PLA2G6: variants seen among roughly 807,000 people sequenced by gnomAD.
The protein encoded by PLA2G6 is phospholipase A2 group VI, also known as 85/88 kDa calcium-independent phospholipase A2.
In PLA2G6, 62 loss-of-function variants were observed where a neutral mutation model predicts 83.8. That is an observed-to-expected ratio of 0.74 (90% CI 0.60 to 0.91). The LOEUF (loss-of-function observed/expected upper bound fraction) is 0.91, where lower values mean the gene tolerates loss of function less well. Among genes scored for constraint, PLA2G6 ranks in the 40% least tolerant of loss-of-function variants. The probability of loss-of-function intolerance (pLI) is 0.00; values close to 1 mark genes in which losing one functional copy is unlikely to be tolerated. For synonymous variants in PLA2G6, 417 were observed against 449.8 expected (o/e 0.93, Z 0.92); for missense variants, 944 against 1,102.0 (o/e 0.86, Z 2.03).
At chr22:38,180,298 C>G (rs917677353) in intron 1 of PLA2G6, 8 of 152,150 alleles carry the variant, frequency 5.3e-5, no homozygotes, top group African/African-American at 1.9e-4. Context: ...ACGGAAGGAA[C>G]AAGAAGTGTC....
At chr22:38,142,987 A>C in intron 4 of PLA2G6, 118 bp downstream of exon 4, 1 of 960,960 alleles carries the variant, frequency 1.0e-6, no homozygotes, top group South Asian at 1.3e-5. Context: ...CTCAGGCCTC[A>C]AGGACCAATG....
At chr22:38,140,782 G>A (rs1300641881) in intron 4 of PLA2G6, 1 of 155,998 alleles carries the variant, frequency 6.4e-6, no homozygotes. Context: ...CAGGCGCAGT[G>A]GCTCATGCTT....
intron 10 of PLA2G6, 94 bp downstream of exon 10, chr22:38,126,277 C>T (rs1188834278): frequency 3.2e-6 from 3 of 924,132 alleles, no homozygotes; most frequent in Non-Finnish European, 5.4e-6. Flanking sequence ...TGTGAGGGTG[C>T]AGAGAGTAAA....
chr22:38,145,781 GCAAACACA>G (rs1316044862), intron 2 of PLA2G6, 128 bp from the exon 3 acceptor site: 1 of 352,864 alleles, frequency 2.8e-6, no homozygotes. Flanking sequence ...CCCCTCCCAA[GCAAACACA>G]CACACACACA....
intron 4 of PLA2G6, 65 bp from the exon 5 acceptor site, chr22:38,140,234 G>A (rs1417900892): frequency 2.8e-5 from 41 of 1,478,698 alleles, no homozygotes; most frequent in African/African-American, 5.5e-5. Flanking sequence ...GAGGCCGGGC[G>A]CAGTGGCTCA....
rs1434335192 is a variant in PLA2G6 at position 38,128,329 on chromosome 22, G to T, written c.1288C>A (p.Pro430Thr). The stretch of plus-strand genomic sequence containing the variant: ...CTTTCCAGGGAGAAGGGATGATGTG[G>T]CGCTGCAGAGCCCTGCTCCGCGGGG... ...GVPAEQGSAA[P>T]HHPFSLERAQ... The change falls in exon 9 of 17, where the codon CCA (proline) becomes ACA (threonine). Residue 430 changes from proline (P) to threonine (T), a missense_variant. Transcript: ENST00000332509. The surrounding 1 kb of genome is among the most constrained non-coding windows in gnomAD (Gnocchi z 4.4). 6.2e-7 allele frequency: 1 copy of T among 1,613,442 alleles called. No individual in the cohort carries two copies. Among genetic ancestry groups the T allele is most frequent in the Middle Eastern group, 1.8e-4 (1 of 5,478 alleles).
Position 38,118,760 on chromosome 22 carries a change from T to G in PLA2G6, c.1742+1999A>C, listed in dbSNP as rs1458320490. 2.6e-5 allele frequency among the ~76,000 whole-genome samples: 4 copies of G among 151,704 alleles called. No homozygotes were observed. In the East Asian group the frequency reaches 5.8e-4, roughly 22 times the overall value. On this transcript the variant is annotated intron_variant, in intron 12 of 16. Transcript: ENST00000332509. ...GTGAGTTTGTTTGTTTTTGTTTTTT[T>G]TTTTTTGTCTTAAGACAGGGTCTCA... is the stretch of plus-strand genomic sequence containing the variant.
intron 9 of PLA2G6, chr22:38,127,128 C>T (rs1353722329): frequency 2.7e-6 from 3 of 1,128,428 alleles, no homozygotes; most frequent in Non-Finnish European, 3.3e-6. Flanking sequence ...GGTGCAGCAG[C>T]CCGCGTGACC....
At chr22:38,149,217 T>C (rs1274174708) in intron 2 of PLA2G6, 1 of 151,850 alleles carries the variant, frequency 6.6e-6, no homozygotes, top group African/African-American at 2.4e-5. Flanking sequence ...CAACACATAA[T>C]CAAAACTCAC....
rs188895903 is a variant in PLA2G6, at chr22:38,128,331, G to A, written c.1286C>T (p.Ala429Val). The A allele has an allele frequency of 1.5e-5, 25 of 1,613,386 alleles. No homozygotes were observed. The highest frequency in any genetic ancestry group is 5.3e-5 in the African/African-American group (4 of 75,012). Reference protein sequence around the residue: ...HGVPAEQGSAAPHHPFSLERA... With the variant: ...HGVPAEQGSAVPHHPFSLERA... ...TTCCAGGGAGAAGGGATGATGTGGC[G>A]CTGCAGAGCCCTGCTCCGCGGGGAC... The change falls in exon 9 of 17, where the codon GCG becomes GTG. Residue 429 changes from alanine to valine, a missense_variant. Coordinates refer to ENST00000332509, the MANE Select transcript of PLA2G6 (RefSeq NM_003560.4). The surrounding 1 kb of genome is among the most constrained non-coding windows in gnomAD (Gnocchi z 4.4).
At chr22:38,168,664 A>AGAG (rs2090315921) in intron 2 of PLA2G6, among the ~76,000 whole-genome samples, 1 of 152,210 alleles carries the variant, frequency 6.6e-6, no homozygotes, top group Admixed American at 6.5e-5. Context: ...AGCCTGGCCA[A>AGAG]TATGATGAAA....
intron 2 of PLA2G6, among the ~76,000 whole-genome samples, chr22:38,161,076 A>G (rs759008622): frequency 7.9e-5 from 12 of 152,236 alleles, no homozygotes; most frequent in Non-Finnish European, 1.0e-4. Context: ...AAGAATGAAG[A>G]CAGTGGAATA....
intron 3 of PLA2G6, chr22:38,144,199 C>T (rs11570641): frequency 0.021 from 3,162 of 152,580 alleles, 104 homozygotes; most frequent in African/African-American, 0.072. Context: ...GCTGCTCCAT[C>T]TGCTGGCTGA....
At chr22:38,159,171 A>C (rs1162863002) in intron 2 of PLA2G6, among the ~76,000 whole-genome samples, 8 of 152,222 alleles carry the variant, frequency 5.3e-5, no homozygotes, top group Non-Finnish European at 8.8e-5. Flanking sequence ...AGCAAAACCA[A>C]ACAAGAAATA....
In PLA2G6 at chr22:38,128,497, G is replaced by GC; in HGVS notation, c.1187-68dup. The GC allele has an allele frequency of 1.3e-6, 2 of 1,551,866 alleles. No individual in the cohort carries two copies. On this transcript the variant is annotated intron_variant, in intron 8 of 16. Transcript: ENST00000332509. The surrounding 1 kb of genome is among the most constrained non-coding windows in gnomAD (Gnocchi z 4.4). ...AATGATGTCAACATGCAAAGGAGAG[G>GC]CCCCTCCTTTCCACACTCCGTCCCC...
At position 38,169,411 on chromosome 22, in the gene PLA2G6, G is replaced by A. The variant is rs143250889; in HGVS notation, c.16C>T (p.Arg6Cys). 114 of 1,614,140 alleles carry A rather than the reference G, an allele frequency of 7.1e-5. No homozygotes were observed. The highest frequency in any genetic ancestry group is 2.1e-4 in the African/African-American group (16 of 75,060). Residue 6 changes from arginine (R) to cysteine (C), a missense_variant, in exon 2 of 17, where the codon CGC becomes TGC. Arg to Cys is a radical substitution (Grantham distance 180). Coordinates refer to ENST00000332509, the MANE Select transcript of PLA2G6 (RefSeq NM_003560.4). The stretch of plus-strand genomic sequence containing the variant: ...ACGCCACTGAAGGTATTGACCAGGC[G>A]GCCAAAGAACTGCATCTTCTGCGGG... MQFFG[R>C]LVNTFSGVTN...
intron 2 of PLA2G6, among the ~76,000 whole-genome samples, chr22:38,154,455 C>A (rs1159540924): frequency 1.3e-5 from 2 of 152,238 alleles, no homozygotes; most frequent in African/African-American, 4.8e-5. Context: ...ACAAGAGCCT[C>A]TGCCTGGTAA....
intron 1 of PLA2G6, among the ~76,000 whole-genome samples, chr22:38,174,367 C>T (rs1408633987): frequency 6.6e-6 from 1 of 151,982 alleles, no homozygotes; most frequent in Non-Finnish European, 1.5e-5. Context: ...CACTGCACTC[C>T]AGCCTGGGCG....
chr22:38,130,992 ACT>A (rs1180768714), intron 7 of PLA2G6: 4 of 152,208 alleles, frequency 2.6e-5, no homozygotes, highest in Non-Finnish European at 5.9e-5. Flanking sequence ...CAAAAGCGAA[ACT>A]CTGTCTCAAA....
Sources: gnomAD v4.1 joint callset for allele counts (sites outside exome capture counted in the v4.1 genomes callset) on GRCh38, gnomAD v4.1.1 for gene constraint, Gnocchi (gnomAD v3.1) non-coding constraint, MANE v1.5 for transcripts, NCBI Gene and HGNC (gene_info 2026-07-23, HGNC 2026-07-21) for gene names.